PPP4R1: variants seen among roughly 807,000 people sequenced by gnomAD.
The protein encoded by PPP4R1 is serine/threonine-protein phosphatase 4 regulatory subunit 1.
PPP4R1 carries 42 observed loss-of-function variants against 111.2 expected under a neutral mutation model. The ratio of observed to expected loss-of-function variants is 0.38; its 90% confidence interval spans 0.29 to 0.49. The LOEUF (loss-of-function observed/expected upper bound fraction) is 0.49. Among genes scored for constraint, PPP4R1 ranks in the 20% least tolerant of loss-of-function variants. PPP4R1 has a pLI of 0.97. For synonymous variants in PPP4R1, 409 were observed against 405.5 expected (o/e 1.01, Z -0.10); for missense variants, 1,012 against 1,161.6 (o/e 0.87, Z 1.87).
At chr18:9,608,150 A>G (rs1269713881) in intron 2 of PPP4R1, among the ~76,000 whole-genome samples, 1 of 152,178 alleles carries the variant, frequency 6.6e-6, no homozygotes, top group African/African-American at 2.4e-5. Flanking sequence ...AAGAACATAT[A>G]TATTCACACA....
At chr18:9,565,405 TA>T (rs2066749508) in intron 11 of PPP4R1, among the ~76,000 whole-genome samples, 1 of 152,182 alleles carries the variant, frequency 6.6e-6, no homozygotes, top group South Asian at 2.1e-4. Flanking sequence ...AAAGGAAGAA[TA>T]ACATGTCTCT....
At chr18:9,584,061 T>C (rs1049484837) in intron 8 of PPP4R1, among the ~76,000 whole-genome samples, 1 of 152,216 alleles carries the variant, frequency 6.6e-6, no homozygotes, top group African/African-American at 2.4e-5. Flanking sequence ...ATAGCTTAAA[T>C]GTTTTACAAG....
At chr18:9,602,996 ATGTCTGCAAC>A (rs1286309333) in intron 2 of PPP4R1, among the ~76,000 whole-genome samples, 3 of 152,218 alleles carry the variant, frequency 2.0e-5, no homozygotes, top group Non-Finnish European at 4.4e-5. Flanking sequence ...ATGTCTGCAA[ATGTCTGCAAC>A]AGTGTTAGGC....
chr18:9,594,686 T>C (rs908770088), intron 3 of PPP4R1: 29 of 215,724 alleles, frequency 1.3e-4, no homozygotes, highest in Middle Eastern at 1.9e-3. Context: ...GCATCACCCG[T>C]CATACAGCAG....
intron 10 of PPP4R1, among the ~76,000 whole-genome samples, chr18:9,575,214 A>C (rs1274932550): frequency 6.6e-6 from 1 of 152,232 alleles, no homozygotes; most frequent in Non-Finnish European, 1.5e-5. Context: ...TAAGAAACTG[A>C]GAGAACTTTG....
At chr18:9,567,549 A>G (rs572846967) in intron 11 of PPP4R1, among the ~76,000 whole-genome samples, 20 of 152,212 alleles carry the variant, frequency 1.3e-4, no homozygotes, top group Non-Finnish European at 2.6e-4. Context: ...AATGCCTCTT[A>G]GGATGAGCAA....
intron 4 of PPP4R1, among the ~76,000 whole-genome samples, chr18:9,593,099 G>C (rs7236243): frequency 0.033 from 4,969 of 152,094 alleles, 87 homozygotes; most frequent in Non-Finnish European, 0.037. Context: ...GTCAGAGGTA[G>C]AAAATATACT....
chr18:9,557,146 G>A (rs185001605), intron 15 of PPP4R1, 75 bp downstream of exon 15: 2 of 1,363,498 alleles, frequency 1.5e-6, no homozygotes, highest in Non-Finnish European at 2.0e-6. Flanking sequence ...ACCTCTCTTG[G>A]TGATAGCAGA....
At chr18:9,605,599 A>G (rs1458632234) in intron 2 of PPP4R1, among the ~76,000 whole-genome samples, 28 of 149,824 alleles carry the variant, frequency 1.9e-4, no homozygotes, top group Non-Finnish European at 3.7e-4. Flanking sequence ...AAAAAAAGGA[A>G]AGAATAACCT....
chr18:9,580,567 G>T (rs917137389), intron 9 of PPP4R1, among the ~76,000 whole-genome samples: 1 of 152,112 alleles, frequency 6.6e-6, no homozygotes, highest in Non-Finnish European at 1.5e-5. Context: ...AGCCAGGATG[G>T]TCTTGATCTC....
intron 8 of PPP4R1, among the ~76,000 whole-genome samples, chr18:9,584,063 T>C (rs1236890568): frequency 3.3e-5 from 5 of 152,214 alleles, no homozygotes; most frequent in Non-Finnish European, 5.9e-5. Flanking sequence ...AGCTTAAATG[T>C]TTTACAAGAG....
intron 9 of PPP4R1, among the ~76,000 whole-genome samples, chr18:9,579,830 C>T (rs2066997780): frequency 6.6e-6 from 1 of 152,248 alleles, no homozygotes; most frequent in African/African-American, 2.4e-5. Context: ...TATGCAAATA[C>T]TATGCCATTT....
chr18:9,599,971 TG>T (rs1272612745), intron 2 of PPP4R1, among the ~76,000 whole-genome samples: 2 of 152,182 alleles, frequency 1.3e-5, no homozygotes, highest in African/African-American at 4.8e-5. Context: ...TATGTTAGTC[TG>T]GAGTAAGGCT....
chr18:9,548,019 T>C, intron 19 of PPP4R1, 67 bp from the exon 20 acceptor site: 1 of 1,510,574 alleles, frequency 6.6e-7, no homozygotes, highest in Non-Finnish European at 9.1e-7. Flanking sequence ...TTCCGTCAAG[T>C]ACGAGTGTAA....
chr18:9,582,884 C>T (rs1294885441), intron 9 of PPP4R1, among the ~76,000 whole-genome samples: 1 of 152,110 alleles, frequency 6.6e-6, no homozygotes, highest in African/African-American at 2.4e-5. Context: ...TAACATAATA[C>T]ATCATGCCAA....
chr18:9,597,041 G>A (rs1270030702), intron 2 of PPP4R1, among the ~76,000 whole-genome samples: 3 of 152,182 alleles, frequency 2.0e-5, no homozygotes, highest in Non-Finnish European at 1.5e-5. Context: ...GCTGAAGCAG[G>A]AGGACTGTTT....
intron 9 of PPP4R1, among the ~76,000 whole-genome samples, chr18:9,577,824 AAAG>A (rs1470989236): frequency 6.6e-6 from 1 of 152,226 alleles, no homozygotes; most frequent in East Asian, 1.9e-4. Flanking sequence ...TCAAGAACAA[AAAG>A]AATAAGGAAA....
intron 2 of PPP4R1, among the ~76,000 whole-genome samples, chr18:9,604,663 T>C (rs1282748521): frequency 6.6e-6 from 1 of 152,156 alleles, no homozygotes; most frequent in Non-Finnish European, 1.5e-5. Flanking sequence ...TCCTTTTAAT[T>C]CCCTGCCGTC....
intron 14 of PPP4R1, among the ~76,000 whole-genome samples, 193 bp downstream of exon 14, chr18:9,559,226 A>G (rs552659277): frequency 6.6e-6 from 1 of 152,354 alleles, no homozygotes; most frequent in Non-Finnish European, 1.5e-5. Context: ...ATAAAAATGA[A>G]GAAGCCAAAT....
Sources: allele counts gnomAD v4.1 joint callset (sites outside exome capture counted in the v4.1 genomes callset), GRCh38; gene constraint gnomAD v4.1.1; transcripts MANE v1.5; gene names NCBI Gene and HGNC (gene_info 2026-07-23, HGNC 2026-07-21).